The following PCDH7 variants were observed in gnomAD, a reference collection of about 807,000 sequenced individuals.
PCDH7 encodes the protein protocadherin 7.
PCDH7 carries 17 observed loss-of-function variants against 58.9 expected under a neutral mutation model. The ratio of observed to expected loss-of-function variants is 0.29; its 90% CI spans 0.20 to 0.43. PCDH7 has a LOEUF of 0.43. PCDH7 is among the 20% of genes least tolerant of loss of function. The probability of loss-of-function intolerance (pLI) is 1.00; values close to 1 mark genes in which losing one functional copy is unlikely to be tolerated. For missense variants in PCDH7, 1,274 were observed against 1,441.0 expected, an observed-to-expected ratio of 0.88 and a Z score of 1.88; for synonymous variants, 664 against 616.4, an observed-to-expected ratio of 1.08 and a Z score of -1.14.
chr4:30,988,596 TATC>T lies in PCDH7; in HGVS notation c.*7+38386_*7+38388del, dbSNP rs111374241. On this transcript the variant is annotated intron_variant, in intron 3 of 3. Transcript: ENST00000509759. ...TTTGTGAACTATTTATCATTTAAGTTATCATCAAGGCCGAGTTAGTTTTGTTTA... is the reference window on the plus strand; with the variant it reads ...TTTGTGAACTATTTATCATTTAAGTTATCAAGGCCGAGTTAGTTTTGTTTA... 4.5e-3 allele frequency among the ~76,000 whole-genome samples: 692 copies of T among 152,320 alleles called. 6 individuals are homozygous for T. The highest frequency in any genetic ancestry group is 0.016 in the African/African-American group (665 of 41,584).
At position 31,018,550 on chromosome 4, in the gene PCDH7, G is replaced by C. The variant is rs780339244; in HGVS notation, c.*7+68335G>C. Among the ~76,000 whole-genome samples, 95 of 152,066 alleles carry C rather than the reference G, an allele frequency of 6.2e-4. 1 individual carries two copies. Among genetic ancestry groups the C allele is most frequent in the Non-Finnish European group, 1.3e-4 (9 of 68,018 alleles). ...TTTTCAATCCCAAAATAAAAGCAAA[G>C]CCTTGAGGCTATTCCCATTTTATTC... On this transcript the variant is annotated intron_variant, in intron 3 of 3. Transcript: ENST00000509759.
At chr4:30,735,311 T>C (rs1716097537), downstream of PCDH7, among the ~76,000 whole-genome samples, 1 of 152,156 alleles carries the variant, frequency 6.6e-6, no homozygotes, top group South Asian at 2.1e-4. Context: ...CGATAAACTT[T>C]CCATCTTTGT....
intron 3 of PCDH7, among the ~76,000 whole-genome samples, chr4:30,964,281 T>G (rs5029750): frequency 0.62 from 92,061 of 149,398 alleles, 29,726 homozygotes; most frequent in African/African-American, 0.82. Flanking sequence ...TGGCTCTGTC[T>G]CCCAGGCTGG....
intron 1 of PCDH7, among the ~76,000 whole-genome samples, chr4:30,751,695 G>C (rs191472367): frequency 3.9e-5 from 6 of 152,202 alleles, no homozygotes; most frequent in Non-Finnish European, 8.8e-5. Flanking sequence ...ACTGTGCTTT[G>C]TAGGTGCTTA....
intron 3 of PCDH7, among the ~76,000 whole-genome samples, chr4:30,997,876 C>T (rs1294102208): frequency 6.6e-6 from 1 of 151,756 alleles, no homozygotes; most frequent in African/African-American, 2.4e-5. Flanking sequence ...TCATAAAGTA[C>T]CCAATATATA....
intron 1 of PCDH7, among the ~76,000 whole-genome samples, chr4:30,741,488 C>T (rs1371670357): frequency 1.3e-5 from 2 of 152,188 alleles, no homozygotes; most frequent in Admixed American, 1.3e-4. Flanking sequence ...GCCACTTCAC[C>T]TGGCCAACAA....
At chr4:30,849,992 C>A (rs73812632) in intron 1 of PCDH7, among the ~76,000 whole-genome samples, 1,618 of 152,148 alleles carry the variant, frequency 0.011, 26 homozygotes, top group African/African-American at 0.037. Context: ...CTTTATTCTG[C>A]AAAAGAACCA....
At chr4:31,025,609 C>T (rs1366811331) in intron 3 of PCDH7, among the ~76,000 whole-genome samples, 3 of 152,190 alleles carry the variant, frequency 2.0e-5, no homozygotes, top group Non-Finnish European at 4.4e-5. Context: ...AATGTTTCCA[C>T]TTGCCTATTA....
chr4:30,745,768 T>TTG (rs1717695926), intron 1 of PCDH7, among the ~76,000 whole-genome samples: 2 of 151,928 alleles, frequency 1.3e-5, no homozygotes, highest in East Asian at 1.9e-4. Flanking sequence ...CTCAGTTTAT[T>TTG]TGTGTGTGTG....
intron 3 of PCDH7, among the ~76,000 whole-genome samples, chr4:31,038,129 A>G (rs1444975991): frequency 6.6e-6 from 1 of 152,170 alleles, no homozygotes; most frequent in African/African-American, 2.4e-5. Context: ...ATTGCACAAT[A>G]TGGAAAAGAC....
chr4:30,911,636 A>G (rs2109405653), intron 1 of PCDH7, among the ~76,000 whole-genome samples: 1 of 152,308 alleles, frequency 6.6e-6, no homozygotes, highest in Non-Finnish European at 1.5e-5. Flanking sequence ...AATTGCCTAC[A>G]TTAACTAAGA....
At chr4:31,031,690 A>G (rs188747064) in intron 3 of PCDH7, among the ~76,000 whole-genome samples, 251 of 152,356 alleles carry the variant, frequency 1.6e-3, no homozygotes, top group African/African-American at 5.9e-3. Flanking sequence ...CAAATATTCA[A>G]TAGATTTTGT....
intron 3 of PCDH7, among the ~76,000 whole-genome samples, chr4:31,109,498 A>G: frequency 6.6e-6 from 1 of 152,210 alleles, no homozygotes; most frequent in Non-Finnish European, 1.5e-5. Context: ...TACATGATAG[A>G]GATTTATTTA....
intron 3 of PCDH7, among the ~76,000 whole-genome samples, chr4:31,057,728 A>G (rs1262850914): frequency 6.6e-6 from 1 of 152,134 alleles, no homozygotes; most frequent in Non-Finnish European, 1.5e-5. Flanking sequence ...ATACATCTCC[A>G]TCACTACAAC....
At chr4:30,745,108 A>C (rs1717598119) in intron 1 of PCDH7, among the ~76,000 whole-genome samples, 1 of 152,228 alleles carries the variant, frequency 6.6e-6, no homozygotes, top group African/African-American at 2.4e-5. Flanking sequence ...TAAAGAAGAT[A>C]TATAGACACT....
intron 3 of PCDH7, among the ~76,000 whole-genome samples, chr4:30,996,932 A>G (rs943284959): frequency 1.3e-5 from 2 of 152,212 alleles, no homozygotes; most frequent in African/African-American, 4.8e-5. Context: ...AGTAATAACA[A>G]TGATTTAACT....
intron 1 of PCDH7, among the ~76,000 whole-genome samples, chr4:30,761,941 C>A (rs1451731192): frequency 6.6e-6 from 1 of 152,178 alleles, no homozygotes; most frequent in Non-Finnish European, 1.5e-5. Context: ...TACCTGCCAA[C>A]CACCCTTGAG....
Position 30,723,543 on chromosome 4 carries a change from A to G in PCDH7, c.2121A>G (p.Thr707=), listed in dbSNP as rs1714098403. ...CTTTTGACCGGGAACATCAGACCACATACACTTTCAGAGTCAAGGCTGTGG... is the reference window on the plus strand; with the variant it reads ...CTTTTGACCGGGAACATCAGACCACGTACACTTTCAGAGTCAAGGCTGTGG... Residue 707 remains threonine (T), a synonymous_variant, in exon 1 of 2, where the codon ACA becomes ACG. Transcript: ENST00000361762. The surrounding 1 kb of genome is among the most constrained non-coding windows in gnomAD (Gnocchi z 4.6). The G allele has an allele frequency of 6.2e-7, 1 of 1,614,030 alleles. No homozygotes were observed. Among genetic ancestry groups the G allele is most frequent in the African/African-American group, 1.3e-5 (1 of 74,926 alleles).
At chr4:30,992,440 A>G (rs1169524006) in intron 3 of PCDH7, among the ~76,000 whole-genome samples, 1 of 152,192 alleles carries the variant, frequency 6.6e-6, no homozygotes, top group Non-Finnish European at 1.5e-5. Flanking sequence ...GGGAAATGGT[A>G]GTATTTTCAA....
Sources: gnomAD v4.1 joint callset for allele counts (sites outside exome capture counted in the v4.1 genomes callset) on GRCh38, gnomAD v4.1.1 for gene constraint, Gnocchi (gnomAD v3.1) non-coding constraint, MANE v1.5 for transcripts, NCBI Gene and HGNC (gene_info 2026-07-23, HGNC 2026-07-21) for gene names.